ADGRE3: variants seen among roughly 807,000 people sequenced by gnomAD.
ADGRE3 encodes EGF-like module receptor 3.
ADGRE3 carries 88 observed loss-of-function variants against 80.1 expected under a neutral mutation model. The ratio of observed to expected loss-of-function variants is 1.10; its 90% confidence interval spans 0.93 to 1.31. The LOEUF is 1.31. Ranked by LOEUF, ADGRE3 falls within the 40% of genes most tolerant of loss-of-function variation. The pLI, the probability that ADGRE3 is intolerant of heterozygous loss-of-function variation, is 0.00. For missense variants in ADGRE3, 715 were observed against 776.5 expected (o/e 0.92, Z 0.94); for synonymous variants, 281 against 294.8 (o/e 0.95, Z 0.48).
chr19:14,650,013 TCTCTCTTTCCATCTCTCTCCCCATCC>T (rs1599635224), intron 7 of ADGRE3, among the ~76,000 whole-genome samples: 1 of 148,954 alleles, frequency 6.7e-6, no homozygotes, highest in Non-Finnish European at 1.5e-5. Flanking sequence ...CCTCCCCATC[TCTCTCTTTCCATCTCTCTCCCCATCC>T]CTCTCTTCCC....
At chr19:14,650,238 A>C (rs1250170097) in intron 7 of ADGRE3, among the ~76,000 whole-genome samples, 67 of 100,328 alleles carry the variant, frequency 6.7e-4, no homozygotes, top group African/African-American at 9.6e-4. Flanking sequence ...CTCTCTTTCC[A>C]TCTCTCTTCC....
intron 11 of ADGRE3, among the ~76,000 whole-genome samples, chr19:14,636,624 C>T (rs762926226): frequency 3.3e-5 from 5 of 152,014 alleles, no homozygotes; most frequent in Non-Finnish European, 5.9e-5. Context: ...GAAGACAAAA[C>T]GGGGAGAAAT....
In ADGRE3 at chr19:14,651,173, G is replaced by A. The variant is rs1192008481; in HGVS notation, c.609C>T (p.Cys203=). Residue 203 remains cysteine (C), a synonymous_variant, in exon 7 of 16, where the codon TGC becomes TGT. Coordinates refer to ENST00000253673, the MANE Select transcript of ADGRE3 (RefSeq NM_032571.5). ...AGTTGAATGTCTTTCTTTCTTCAGAGCAATTGTCTGTAATCGCTTGAGTTT... is the reference window on the plus strand; with the variant it reads ...AGTTGAATGTCTTTCTTTCTTCAGAACAATTGTCTGTAATCGCTTGAGTTT... ...AIETQAITDN[C]SEERKTFNLN... The A allele has an allele frequency of 6.2e-7, 1 of 1,614,094 alleles. No homozygotes were observed. The highest frequency in any genetic ancestry group is 1.3e-5 in the African/African-American group (1 of 75,060).
chr19:14,614,479 A>G (rs144564077), downstream of ADGRE3, among the ~76,000 whole-genome samples: 12 of 152,212 alleles, frequency 7.9e-5, no homozygotes, highest in South Asian at 2.5e-3. Context: ...AATAATAACC[A>G]TGGTTTATCA....
the ADGRE3 span, among the ~76,000 whole-genome samples, chr19:14,611,912 G>A: frequency 2.0e-5 from 3 of 152,130 alleles, no homozygotes; most frequent in African/African-American, 7.2e-5. Context: ...ACTAAGGCAC[G>A]AGAATTGCTT....
chr19:14,650,076 A>C (rs1250866385), intron 7 of ADGRE3, among the ~76,000 whole-genome samples: 5 of 115,846 alleles, frequency 4.3e-5, no homozygotes, highest in South Asian at 2.6e-4. Flanking sequence ...CTTGCTTTTG[A>C]TCTCTCTCTC....
At chr19:14,636,639 A>G (rs1971099350) in intron 11 of ADGRE3, among the ~76,000 whole-genome samples, 1 of 152,124 alleles carries the variant, frequency 6.6e-6, no homozygotes, top group South Asian at 2.1e-4. Context: ...AGAAATGAAA[A>G]CAAGCCAAAC....
chr19:14,639,978 C>T (rs931320220), intron 10 of ADGRE3, among the ~76,000 whole-genome samples: 5 of 152,134 alleles, frequency 3.3e-5, no homozygotes, highest in Admixed American at 1.3e-4. Context: ...CAACATCTCC[C>T]TAAACCCCTT....
intron 10 of ADGRE3, among the ~76,000 whole-genome samples, chr19:14,639,778 C>G (rs1406905131): frequency 6.6e-6 from 1 of 152,094 alleles, no homozygotes; most frequent in Admixed American, 6.6e-5. Flanking sequence ...GCTCTCTGCC[C>G]TCCCCCTATT....
At chr19:14,666,361 T>C (rs1972106171) in intron 2 of ADGRE3, among the ~76,000 whole-genome samples, 1 of 137,570 alleles carries the variant, frequency 7.3e-6, no homozygotes, top group South Asian at 2.5e-4. Context: ...TGAGCATTTT[T>C]TCATGTTTCT....
intron 9 of ADGRE3, among the ~76,000 whole-genome samples, chr19:14,642,421 A>G (rs1283647314): frequency 6.6e-6 from 1 of 152,218 alleles, no homozygotes; most frequent in Non-Finnish European, 1.5e-5. Flanking sequence ...AGCTCATACT[A>G]ATGAAGGGAT....
chr19:14,652,726 T>C (rs1971640774), intron 6 of ADGRE3, among the ~76,000 whole-genome samples: 1 of 138,758 alleles, frequency 7.2e-6, no homozygotes, highest in African/African-American at 2.7e-5. Flanking sequence ...TGCAGTGACC[T>C]AGATCATGCC....
intron 8 of ADGRE3, among the ~76,000 whole-genome samples, 194 bp downstream of exon 8, chr19:14,646,986 CA>C (rs942413573): frequency 6.6e-6 from 1 of 152,042 alleles, no homozygotes; most frequent in African/African-American, 2.4e-5. Context: ...GGCTGATTTA[CA>C]AGATGTAAAT....
downstream of ADGRE3, among the ~76,000 whole-genome samples, chr19:14,617,880 C>A (rs1226096965): frequency 2.6e-5 from 4 of 151,966 alleles, no homozygotes; most frequent in Non-Finnish European, 5.9e-5. Flanking sequence ...AAAAAAATCA[C>A]CCAGCATCAA....
intron 10 of ADGRE3, 46 bp from the exon 11 acceptor site, chr19:14,638,386 T>C: frequency 6.8e-7 from 1 of 1,463,456 alleles, no homozygotes; most frequent in Non-Finnish European, 9.5e-7. Flanking sequence ...CAGGGTGGAG[T>C]ATGGCCCTAG....
the ADGRE3 span, among the ~76,000 whole-genome samples, chr19:14,611,552 A>C: frequency 6.6e-6 from 1 of 151,740 alleles, no homozygotes; most frequent in African/African-American, 2.4e-5. Flanking sequence ...TGGCCCATGG[A>C]ACTTCTAGAA....
chr19:14,619,326 T>C lies in ADGRE3; in HGVS notation c.*107A>G. 2 of 874,420 alleles carry C rather than the reference T, an allele frequency of 2.3e-6. No homozygotes were observed. Among genetic ancestry groups the C allele is most frequent in the Non-Finnish European group, 3.8e-6 (2 of 527,592 alleles). 54.2% of individuals were successfully genotyped at this position (874,420 alleles called of 1,614,324 possible). A position where few individuals can be genotyped will look rare whatever the true frequency, so the allele number is the denominator to read the frequency against. On this transcript the variant is annotated 3_prime_UTR_variant, in exon 16 of 16. Transcript: ENST00000253673. ...GGAAGTAAAGGTTGATTACTTCCTC[T>C]CCAAGGATGATATGTTTAATGAATT...
At chr19:14,668,394 T>C (rs1599655816) in intron 2 of ADGRE3, among the ~76,000 whole-genome samples, 1 of 151,978 alleles carries the variant, frequency 6.6e-6, no homozygotes, top group African/African-American at 2.4e-5. Flanking sequence ...TACTTGTGAA[T>C]CTAGAGAGAG....
chr19:14,665,932 A>G (rs1377229554), intron 2 of ADGRE3, among the ~76,000 whole-genome samples: 2 of 72,152 alleles, frequency 2.8e-5, no homozygotes, highest in South Asian at 5.0e-4. Flanking sequence ...ATACACACAT[A>G]TGTGTATATA....
Sources: allele counts gnomAD v4.1 joint callset (sites outside exome capture counted in the v4.1 genomes callset), GRCh38; gene constraint gnomAD v4.1.1; transcripts MANE v1.5; gene names NCBI Gene and HGNC (gene_info 2026-07-23, HGNC 2026-07-21).